Variants in ZMIZ1 observed in about 807,000 individuals in gnomAD.
The protein encoded by ZMIZ1 is zinc finger MIZ domain-containing protein 1.
A neutral mutation model predicts 113.9 loss-of-function variants in ZMIZ1; 17 were observed. The ratio of observed to expected loss-of-function variants is 0.15; its 90% confidence interval spans 0.10 to 0.22. ZMIZ1 has a LOEUF of 0.22. Among genes scored for constraint, ZMIZ1 ranks in the 10% least tolerant of loss-of-function variants. The pLI, the probability that ZMIZ1 is intolerant of heterozygous loss-of-function variation, is 1.00. For missense variants in ZMIZ1, 1,059 were observed against 1,477.8 expected (o/e 0.72, Z 4.65); for synonymous variants, 607 against 603.1 (o/e 1.01, Z -0.09).
Position 79,314,293 on chromosome 10 carries a change from A to C in ZMIZ1, c.*1544A>C, listed in dbSNP as rs1589631016. 2.2e-6 allele frequency: 1 copy of C among 456,092 alleles called. No homozygotes were observed. Among genetic ancestry groups the C allele is most frequent in the African/African-American group, 2.0e-5 (1 of 50,126 alleles). 28.3% of individuals were successfully genotyped at this position (456,092 alleles called of 1,614,324 possible). A position where few individuals can be genotyped will look rare whatever the true frequency, so the allele number is the denominator to read the frequency against. Reference sequence around the variant, plus strand: ...GTCCCGTCACTGGGGTCCCATCTGTAAATTCTTTGCGCCCTTCCCGGCTGC... The same window carrying C: ...GTCCCGTCACTGGGGTCCCATCTGTCAATTCTTTGCGCCCTTCCCGGCTGC... On this transcript the variant is annotated 3_prime_UTR_variant, in exon 25 of 25. Coordinates refer to ENST00000334512, the MANE Select transcript of ZMIZ1 (RefSeq NM_020338.4).
intron 7 of ZMIZ1, among the ~76,000 whole-genome samples, chr10:79,264,333 G>A (rs909449917): frequency 1.3e-5 from 2 of 152,172 alleles, no homozygotes; most frequent in Non-Finnish European, 1.5e-5. Flanking sequence ...GCCTCACCAC[G>A]GACACTGGTG....
intron 4 of ZMIZ1, among the ~76,000 whole-genome samples, chr10:79,162,531 C>T (rs1457509698): frequency 1.3e-5 from 2 of 152,194 alleles, no homozygotes; most frequent in African/African-American, 4.8e-5. Flanking sequence ...CAGGGCTACC[C>T]ACCCCTTCTG....
intron 4 of ZMIZ1, among the ~76,000 whole-genome samples, chr10:79,176,940 G>A (rs1846894062): frequency 6.6e-6 from 1 of 152,242 alleles, no homozygotes; most frequent in Admixed American, 6.5e-5. Context: ...TGTGTCTCCA[G>A]TGCATCTGCT....
intron 4 of ZMIZ1, among the ~76,000 whole-genome samples, chr10:79,187,836 G>A (rs558221473): frequency 1.2e-4 from 19 of 152,178 alleles, no homozygotes; most frequent in Non-Finnish European, 2.2e-4. Flanking sequence ...CTGGGCAGCC[G>A]GAACCCGCGC....
chr10:79,246,782 C>G (rs1342973959), intron 7 of ZMIZ1, among the ~76,000 whole-genome samples: 2 of 152,190 alleles, frequency 1.3e-5, no homozygotes, highest in African/African-American at 4.8e-5. Flanking sequence ...CCTCCACCCT[C>G]GAAGCACTTC....
chr10:79,095,337 A>C (rs1001361368), intron 1 of ZMIZ1, among the ~76,000 whole-genome samples: 1 of 152,142 alleles, frequency 6.6e-6, no homozygotes, highest in Admixed American at 6.5e-5. Context: ...CAAGTCAAAT[A>C]TTTTCCTGAT....
Position 79,296,391 on chromosome 10 carries a change from A to T in ZMIZ1, c.1231-80A>T. The stretch of plus-strand genomic sequence containing the variant: ...GAGCAAATGAGGAGAGGCGGGCCCC[A>T]TCCCGTTGTTCAGGTGACCTGGCTA... On this transcript the variant is annotated intron_variant, in intron 12 of 24. Coordinates refer to ENST00000334512, the MANE Select transcript of ZMIZ1 (RefSeq NM_020338.4). The surrounding 1 kb of genome is among the most constrained non-coding windows in gnomAD (Gnocchi z 4.1). 6.7e-7 allele frequency: 1 copy of T among 1,489,800 alleles called. No homozygotes were observed. 92.3% of individuals were successfully genotyped at this position (1,489,800 alleles called of 1,614,324 possible). A position where few individuals can be genotyped will look rare whatever the true frequency, so the allele number is the denominator to read the frequency against.
At chr10:79,240,726 C>T (rs1396000317) in intron 7 of ZMIZ1, among the ~76,000 whole-genome samples, 7 of 118,526 alleles carry the variant, frequency 5.9e-5, no homozygotes, top group African/African-American at 2.3e-4. Context: ...TATTAATTCT[C>T]TTCTCCAGCC....
At chr10:79,134,464 A>G (rs1844906618) in intron 2 of ZMIZ1, among the ~76,000 whole-genome samples, 2 of 152,232 alleles carry the variant, frequency 1.3e-5, no homozygotes. Flanking sequence ...ACCAGACTCC[A>G]ACTCATGCAG....
chr10:79,176,581 C>A (rs572316478), intron 4 of ZMIZ1, among the ~76,000 whole-genome samples: 1 of 152,060 alleles, frequency 6.6e-6, no homozygotes, highest in South Asian at 2.1e-4. Flanking sequence ...TGAATGAACA[C>A]CCCTCTTGCA....
At chr10:79,240,638 C>CTTT (rs56903717) in intron 7 of ZMIZ1, among the ~76,000 whole-genome samples, 1,859 of 55,260 alleles carry the variant, frequency 0.034, 178 homozygotes, top group Non-Finnish European at 0.045. Flanking sequence ...GAGTATTTAT[C>CTTT]TTTTTTTTTT....
chr10:79,099,115 C>T (rs1392695548), intron 1 of ZMIZ1, among the ~76,000 whole-genome samples: 1 of 152,188 alleles, frequency 6.6e-6, no homozygotes, highest in East Asian at 1.9e-4. Context: ...CCTCGACACC[C>T]ACCCACCCTA....
intron 24 of ZMIZ1, 90 bp downstream of exon 24, chr10:79,311,274 C>T (rs535933869): frequency 7.4e-6 from 11 of 1,483,984 alleles, no homozygotes; most frequent in Middle Eastern, 2.5e-4. Flanking sequence ...GGGCTCGAGG[C>T]CCCGAAGGGA....
chr10:79,299,787 A>G (rs532709416), intron 16 of ZMIZ1, among the ~76,000 whole-genome samples: 1 of 152,344 alleles, frequency 6.6e-6, no homozygotes, highest in African/African-American at 2.4e-5. Context: ...AGCTGAGGCT[A>G]GAGAAGTGAA....
chr10:79,287,584 C>A (rs532712594), intron 8 of ZMIZ1, among the ~76,000 whole-genome samples: 1 of 152,258 alleles, frequency 6.6e-6, no homozygotes, highest in Non-Finnish European at 1.5e-5. Context: ...ACACATACGA[C>A]ACCTTGACCC....
intron 1 of ZMIZ1, among the ~76,000 whole-genome samples, chr10:79,099,156 A>G (rs1195483044): frequency 2.0e-5 from 3 of 152,068 alleles, no homozygotes; most frequent in African/African-American, 7.2e-5. Context: ...ACCAGAGCGG[A>G]GGGTCCCTAG....
Position 79,216,191 on chromosome 10 carries a change from A to G in ZMIZ1, c.197A>G (p.Gln66Arg). The change falls in exon 7 of 25, where the codon CAG (glutamine) becomes CGG (arginine). Residue 66 changes from glutamine to arginine, a missense_variant. By Grantham distance (43) the Gln-to-Arg change is conservative. Around this residue, in one of 6 missense-constraint regions of ZMIZ1, gnomAD observed 272 missense variants for 350.4 expected, o/e 0.78. Transcript: ENST00000334512. ...CLTVVSRVAA[Q>R]QGFDLDLGYR... is the part of the protein sequence containing the mutation. ...CAGGTGGTCAGTCGGGTGGCAGCCC[A>G]GCAAGGCTTTGACCTGGACCTCGGC... is the stretch of plus-strand genomic sequence containing the variant. The G allele has an allele frequency of 6.5e-7, 1 of 1,530,452 alleles. No homozygotes were observed. The highest frequency in any genetic ancestry group is 1.4e-5 in the African/African-American group (1 of 71,532). The allele number at this position is 1,530,452 out of a possible 1,614,324, so 94.8% of individuals were successfully genotyped here.
At chr10:79,104,567 G>A (rs957944050) in intron 1 of ZMIZ1, among the ~76,000 whole-genome samples, 13 of 152,212 alleles carry the variant, frequency 8.5e-5, no homozygotes, top group African/African-American at 2.4e-4. Flanking sequence ...GTGCCTGGTC[G>A]TAGGATGTCT....
intron 7 of ZMIZ1, among the ~76,000 whole-genome samples, chr10:79,243,318 T>C (rs535439383): frequency 1.3e-5 from 2 of 149,732 alleles, no homozygotes; most frequent in South Asian, 4.2e-4. Context: ...AGCTGTCGCT[T>C]GCGCCCGGGC....
Sources: gnomAD v4.1 joint callset for allele counts (sites outside exome capture counted in the v4.1 genomes callset) on GRCh38, gnomAD v4.1.1 for gene constraint, gnomAD v4.1.1 regional missense constraint, Gnocchi (gnomAD v3.1) non-coding constraint, MANE v1.5 for transcripts, NCBI Gene and HGNC (gene_info 2026-07-23, HGNC 2026-07-21) for gene names.